Variants in CDK19 observed in about 807,000 individuals in gnomAD.
CDK19 encodes cyclin dependent kinase 19, also known as cyclin-dependent kinase 19.
In CDK19, 20 loss-of-function variants were observed where a neutral mutation model predicts 68.3. The observed-to-expected ratio is 0.29, with a 90% confidence interval of 0.21 to 0.43. CDK19 has a LOEUF of 0.43. CDK19 is among the 20% of genes least tolerant of loss of function. CDK19 has a pLI of 1.00. For missense variants in CDK19, 339 were observed against 623.5 expected (o/e 0.54, Z 4.86); for synonymous variants, 221 against 222.8 (o/e 0.99, Z 0.07).
intron 2 of CDK19, among the ~76,000 whole-genome samples, chr6:110,734,520 G>GCTTGCTCTCTCTCTCTCT: frequency 1.2e-5 from 1 of 85,780 alleles, no homozygotes; most frequent in East Asian, 2.7e-4. Context: ...GGTGAGCACT[G>GCTTGCTCTCTCTCTCTCT]CTCTCTCTCT....
At chr6:110,698,545 C>T (rs1023391877) in intron 2 of CDK19, among the ~76,000 whole-genome samples, 1 of 152,140 alleles carries the variant, frequency 6.6e-6, no homozygotes, top group Non-Finnish European at 1.5e-5. Context: ...GAATACTTAA[C>T]ACTGCTGGTT....
chr6:110,758,711 C>A (rs1273836708), intron 1 of CDK19, among the ~76,000 whole-genome samples: 3 of 151,966 alleles, frequency 2.0e-5, no homozygotes, highest in African/African-American at 7.3e-5. Flanking sequence ...CAGTGATGAT[C>A]AAACATCAGT....
chr6:110,727,393 A>G (rs1776390954), intron 2 of CDK19, among the ~76,000 whole-genome samples: 1 of 151,978 alleles, frequency 6.6e-6, no homozygotes, highest in African/African-American at 2.4e-5. Flanking sequence ...AAGTGGCCTC[A>G]CTCCACTTAC....
chr6:110,771,458 T>C (rs1229110352), intron 1 of CDK19, among the ~76,000 whole-genome samples: 2 of 152,174 alleles, frequency 1.3e-5, no homozygotes, highest in African/African-American at 2.4e-5. Flanking sequence ...ACCAAGTCCC[T>C]AGACTTCATA....
At chr6:110,800,877 C>T (rs1008015904) in intron 1 of CDK19, among the ~76,000 whole-genome samples, 1 of 152,086 alleles carries the variant, frequency 6.6e-6, no homozygotes, top group African/African-American at 2.4e-5. Context: ...TGCATTCCCC[C>T]AAGAACTGAA....
chr6:110,756,864 T>C (rs1778872592), intron 1 of CDK19, among the ~76,000 whole-genome samples: 1 of 152,298 alleles, frequency 6.6e-6, no homozygotes, highest in East Asian at 1.9e-4. Flanking sequence ...GTTTTGGACA[T>C]GTTGATTTTG....
chr6:110,721,951 G>A (rs891747139), intron 2 of CDK19, among the ~76,000 whole-genome samples: 3 of 152,180 alleles, frequency 2.0e-5, no homozygotes, highest in Admixed American at 2.0e-4. Context: ...GCAACAGAGT[G>A]AGACTCCATC....
At chr6:110,617,856 C>CAAAA (rs58620857) in intron 12 of CDK19, among the ~76,000 whole-genome samples, 3 of 17,360 alleles carry the variant, frequency 1.7e-4, no homozygotes, top group Non-Finnish European at 4.7e-4. Flanking sequence ...GACTCTGTCT[C>CAAAA]AAAAAAAAAA....
chr6:110,645,599 T>A (rs186691387), intron 4 of CDK19: 37 of 231,204 alleles, frequency 1.6e-4, no homozygotes, highest in Non-Finnish European at 2.4e-4. Context: ...ACCGTTCAGA[T>A]GCACATCATC....
intron 4 of CDK19, among the ~76,000 whole-genome samples, chr6:110,665,831 A>G (rs1041391386): frequency 1.3e-5 from 2 of 151,942 alleles, no homozygotes; most frequent in Non-Finnish European, 2.9e-5. Context: ...TGCAACCTCC[A>G]CCTCCCAGGC....
At chr6:110,804,385 C>T (rs1023100138) in intron 1 of CDK19, among the ~76,000 whole-genome samples, 1 of 151,802 alleles carries the variant, frequency 6.6e-6, no homozygotes, top group Non-Finnish European at 1.5e-5. Flanking sequence ...CTCTGTGGCC[C>T]AGGCTGGAGT....
At chr6:110,637,652 A>G (rs1192178958) in intron 5 of CDK19, among the ~76,000 whole-genome samples, 1 of 152,244 alleles carries the variant, frequency 6.6e-6, no homozygotes, top group Non-Finnish European at 1.5e-5. Flanking sequence ...TCTAAAAAGC[A>G]TTCAACTTTC....
At chr6:110,685,058 A>C (rs1772347640) in intron 2 of CDK19, among the ~76,000 whole-genome samples, 1 of 152,176 alleles carries the variant, frequency 6.6e-6, no homozygotes, top group Non-Finnish European at 1.5e-5. Context: ...GAATCTCTTG[A>C]ACCTAGGAGG....
chr6:110,707,351 A>G (rs986450095), intron 2 of CDK19, among the ~76,000 whole-genome samples: 1 of 151,862 alleles, frequency 6.6e-6, no homozygotes, highest in Non-Finnish European at 1.5e-5. Context: ...CAAACAAAAC[A>G]AAACAAAAAA....
chr6:110,662,751 C>A (rs1432451271), intron 4 of CDK19, among the ~76,000 whole-genome samples: 1 of 152,124 alleles, frequency 6.6e-6, no homozygotes, highest in Non-Finnish European at 1.5e-5. Context: ...TTAGCTATAT[C>A]CTGCTATAAA....
At chr6:110,785,162 C>G (rs1443138220) in intron 1 of CDK19, among the ~76,000 whole-genome samples, 1 of 151,000 alleles carries the variant, frequency 6.6e-6, no homozygotes, top group Non-Finnish European at 1.5e-5. Flanking sequence ...CAGTCAATAT[C>G]CTAGAATGTT....
intron 2 of CDK19, among the ~76,000 whole-genome samples, chr6:110,701,227 C>A (rs1409863898): frequency 7.1e-6 from 1 of 140,218 alleles, no homozygotes; most frequent in Non-Finnish European, 1.5e-5. Context: ...TAATTAATTA[C>A]CAGTTGTTAA....
At chr6:110,734,316 T>A (rs1263865499) in intron 2 of CDK19, among the ~76,000 whole-genome samples, 2 of 152,108 alleles carry the variant, frequency 1.3e-5, no homozygotes, top group Non-Finnish European at 2.9e-5. Flanking sequence ...AGCCATTTCA[T>A]CAACTTTTAA....
intron 1 of CDK19, among the ~76,000 whole-genome samples, chr6:110,788,011 T>C (rs184744773): frequency 1.4e-3 from 218 of 152,254 alleles, no homozygotes; most frequent in Non-Finnish European, 2.3e-3. Context: ...GGCTAATTTT[T>C]GTATTTTTAG....
Sources: gnomAD v4.1 joint callset for allele counts (sites outside exome capture counted in the v4.1 genomes callset) on GRCh38, gnomAD v4.1.1 for gene constraint, MANE v1.5 for transcripts, NCBI Gene and HGNC (gene_info 2026-07-23, HGNC 2026-07-21) for gene names.